The following STX8 variants were observed in gnomAD, a reference collection of about 807,000 sequenced individuals.
STX8 encodes the protein syntaxin-8.
A neutral mutation model predicts 37.5 loss-of-function variants in STX8; 23 were observed. The ratio of observed to expected loss-of-function variants is 0.61; its 90% CI spans 0.44 to 0.87. The LOEUF (loss-of-function observed/expected upper bound fraction) is 0.87. Among genes scored for constraint, STX8 ranks in the 40% least tolerant of loss-of-function variants. STX8 has a pLI of 0.00. For missense variants in STX8, 313 were observed against 284.7 expected, an observed-to-expected ratio of 1.10 and a Z score of -0.71; for synonymous variants, 115 against 99.1, an observed-to-expected ratio of 1.16 and a Z score of -0.95.
chr17:9,301,704 G>A (rs1226901768), intron 7 of STX8, among the ~76,000 whole-genome samples: 3 of 151,644 alleles, frequency 2.0e-5, no homozygotes, highest in Non-Finnish European at 4.4e-5. Flanking sequence ...GTGGTAGCCA[G>A]GATGGTCTTG....
At chr17:9,300,196 T>C (rs1908719521) in intron 7 of STX8, among the ~76,000 whole-genome samples, 1 of 151,892 alleles carries the variant, frequency 6.6e-6, no homozygotes, top group Non-Finnish European at 1.5e-5. Context: ...CCGGGCATGG[T>C]GGCGCATGCC....
chr17:9,466,986 G>C (rs1009559560), intron 6 of STX8: 1 of 152,136 alleles, frequency 6.6e-6, no homozygotes, highest in Non-Finnish European at 1.5e-5. Context: ...TACCTCCCAG[G>C]TTCAAGTGAT....
At chr17:9,461,196 T>C (rs1292617811) in intron 6 of STX8, 1 of 151,960 alleles carries the variant, frequency 6.6e-6, no homozygotes, top group Non-Finnish European at 1.5e-5. Flanking sequence ...GAAAAAATGG[T>C]TATCTTCCTT....
At chr17:9,288,140 CAAAAAAAA>C (rs60385667) in intron 7 of STX8, among the ~76,000 whole-genome samples, 20 of 61,526 alleles carry the variant, frequency 3.3e-4, no homozygotes, top group African/African-American at 6.1e-4. Context: ...AACAAACAAA[CAAAAAAAA>C]AAAAAACCAA....
At chr17:9,497,580 G>C (rs1904453561) in intron 5 of STX8, among the ~76,000 whole-genome samples, 1 of 150,296 alleles carries the variant, frequency 6.7e-6, no homozygotes, top group Admixed American at 6.7e-5. Context: ...GTAGGACAAA[G>C]TCATTATCTG....
At chr17:9,472,690 C>G (rs1239999817) in intron 6 of STX8, among the ~76,000 whole-genome samples, 1 of 152,218 alleles carries the variant, frequency 6.6e-6, no homozygotes, top group Non-Finnish European at 1.5e-5. Flanking sequence ...TAGCCTCCCT[C>G]TTGGAGGTCA....
chr17:9,426,147 C>T (rs1424389224), intron 6 of STX8, among the ~76,000 whole-genome samples: 2 of 152,140 alleles, frequency 1.3e-5, no homozygotes, highest in African/African-American at 4.8e-5. Flanking sequence ...TAATAAAGAA[C>T]TGGGGGCCAA....
At position 9,488,821 on chromosome 17, in the gene STX8, A is replaced by AGAGAGTGT. The variant is rs563653738; in HGVS notation, c.541+3007_541+3008insACACTCTC. Among the ~76,000 whole-genome samples the AGAGAGTGT allele has an allele frequency of 5.6e-5, 8 of 143,908 alleles. 1 individual carries two copies. The highest frequency in any genetic ancestry group is 9.2e-5 in the Non-Finnish European group (6 of 65,526). The allele number at this position is 143,908 out of a possible 152,430, so 94.4% of individuals were successfully genotyped here. On this transcript the variant is annotated intron_variant, in intron 6 of 7. Transcript: ENST00000306357. ...GAGAAAGAGAGAGAGAGAGAGAGAG[A>AGAGAGTGT]GTGTGTGTGTGTGTGTGTGTGTGTG...
At chr17:9,257,010 C>T (rs139177873) in intron 7 of STX8, among the ~76,000 whole-genome samples, 48 of 152,328 alleles carry the variant, frequency 3.2e-4, no homozygotes, top group Non-Finnish European at 6.2e-4. Flanking sequence ...ACACCTGCTG[C>T]GGCTCCTGAC....
intron 7 of STX8, among the ~76,000 whole-genome samples, chr17:9,329,656 C>T (rs1316201718): frequency 6.6e-6 from 1 of 152,230 alleles, no homozygotes; most frequent in Non-Finnish European, 1.5e-5. Flanking sequence ...AGAGCCACTT[C>T]GAGTCCCATC....
intron 6 of STX8, among the ~76,000 whole-genome samples, chr17:9,471,738 A>G (rs568499801): frequency 2.4e-4 from 37 of 152,028 alleles, no homozygotes; most frequent in African/African-American, 8.7e-4. Context: ...TGCTGTCACA[A>G]CTCATCGTTG....
At chr17:9,451,588 GAT>G (rs1200123993) in intron 6 of STX8, among the ~76,000 whole-genome samples, 1 of 151,880 alleles carries the variant, frequency 6.6e-6, no homozygotes, top group Admixed American at 6.6e-5. Context: ...TAACTCCTAT[GAT>G]ATATATGTCC....
intron 7 of STX8, among the ~76,000 whole-genome samples, chr17:9,312,365 C>G (rs1443966696): frequency 1.3e-5 from 2 of 151,918 alleles, no homozygotes; most frequent in Admixed American, 6.6e-5. Context: ...CCACGCCCAG[C>G]TAATTTTGTA....
At chr17:9,539,759 A>G (rs1906202639) in intron 4 of STX8, among the ~76,000 whole-genome samples, 1 of 152,110 alleles carries the variant, frequency 6.6e-6, no homozygotes, top group South Asian at 2.1e-4. Flanking sequence ...GGAGGAGCCT[A>G]GAACTAGGAA....
chr17:9,324,124 TCTCACACACACACA>T (rs1158849248), intron 7 of STX8, among the ~76,000 whole-genome samples: 2 of 134,172 alleles, frequency 1.5e-5, no homozygotes, highest in African/African-American at 5.2e-5. Flanking sequence ...TCTCTCTCTC[TCTCACACACACACA>T]CACACACACA....
chr17:9,513,115 A>G (rs1407960808), intron 4 of STX8, among the ~76,000 whole-genome samples: 1 of 152,180 alleles, frequency 6.6e-6, no homozygotes. Context: ...AATATTTGCA[A>G]ACTGTTTATC....
chr17:9,256,516 T>C (rs1264357616), intron 7 of STX8, among the ~76,000 whole-genome samples: 1 of 152,256 alleles, frequency 6.6e-6, no homozygotes, highest in Non-Finnish European at 1.5e-5. Flanking sequence ...GATCCATTCA[T>C]GGCCTGTCTG....
chr17:9,429,269 T>C (rs1419770733), intron 6 of STX8, among the ~76,000 whole-genome samples: 1 of 147,376 alleles, frequency 6.8e-6, no homozygotes, highest in African/African-American at 2.5e-5. Context: ...ATGGCACATT[T>C]TGTTTTATAT....
At position 9,354,581 on chromosome 17, in the gene STX8, A is replaced by G. The variant is rs147195830; in HGVS notation, c.643+23971T>C. On this transcript the variant is annotated intron_variant, in intron 7 of 7. Coordinates refer to ENST00000306357, the MANE Select transcript of STX8 (RefSeq NM_004853.3). ...ATGATCCGCCTGCCTCGGCCTCCCAAAGTGCTGGGATTACAGGCAGGAGCC... is the reference window on the plus strand; with the variant it reads ...ATGATCCGCCTGCCTCGGCCTCCCAGAGTGCTGGGATTACAGGCAGGAGCC... Among the ~76,000 whole-genome samples the G allele has an allele frequency of 6.3e-3, 954 of 151,984 alleles. 10 individuals carry two copies. Among genetic ancestry groups the G allele is most frequent in the African/African-American group, 0.022 (912 of 41,434 alleles).
Sources: allele counts gnomAD v4.1 joint callset (sites outside exome capture counted in the v4.1 genomes callset), GRCh38; gene constraint gnomAD v4.1.1; transcripts MANE v1.5; gene names NCBI Gene and HGNC (gene_info 2026-07-23, HGNC 2026-07-21).